Variants in ZNF385D observed in about 807,000 individuals in gnomAD.
ZNF385D encodes zinc finger protein 385D.
In ZNF385D, 15 loss-of-function variants were observed where a neutral mutation model predicts 35.8. The ratio of observed to expected loss-of-function variants is 0.42; its 90% confidence interval spans 0.28 to 0.64. The LOEUF (loss-of-function observed/expected upper bound fraction) is 0.64, where lower values mean the gene tolerates loss of function less well. Ranked by LOEUF, ZNF385D falls within the 30% of genes least tolerant of loss-of-function variation. The pLI is 0.23. For missense variants in ZNF385D, 474 were observed against 494.6 expected (o/e 0.96, Z 0.39); for synonymous variants, 212 against 186.8 (o/e 1.13, Z -1.10).
At chr3:21,565,797 AAG>A (rs1424941701) in intron 2 of ZNF385D, among the ~76,000 whole-genome samples, 18 of 151,796 alleles carry the variant, frequency 1.2e-4, no homozygotes, top group African/African-American at 4.3e-4. Context: ...AAGGACTTAT[AAG>A]TAAGTCTTCA....
chr3:21,569,915 G>A (rs1457993286), intron 2 of ZNF385D, among the ~76,000 whole-genome samples: 1 of 139,650 alleles, frequency 7.2e-6, no homozygotes, highest in South Asian at 2.6e-4. Flanking sequence ...TTGTGGGGTG[G>A]GGGGGCAGGG....
chr3:21,942,115 G>A (rs536986), intron 3 of ZNF385D, among the ~76,000 whole-genome samples: 39,620 of 151,940 alleles, frequency 0.26, 5,866 homozygotes, highest in Admixed American at 0.41. Context: ...TTAACTTTAT[G>A]TGTATTATGT....
chr3:21,840,444 C>T (rs1052118229), intron 3 of ZNF385D, among the ~76,000 whole-genome samples: 2 of 152,038 alleles, frequency 1.3e-5, no homozygotes, highest in South Asian at 2.1e-4. Context: ...ATCTTCATAT[C>T]GACATTGCAC....
intron 3 of ZNF385D, among the ~76,000 whole-genome samples, chr3:22,127,317 CTTTTTTTTTTTTTTTTTTTTTTTTTTTTT>C (rs71044975): frequency 3.6e-5 from 2 of 56,308 alleles, no homozygotes; most frequent in African/African-American, 1.6e-4. Context: ...TCATTTCCTG[CTTTTTTTTTTTTTTTTTTTTTTTTTTTTT>C]TTTTTTTTTT....
chr3:22,273,439 G>A (rs1006951143), intron 2 of ZNF385D, among the ~76,000 whole-genome samples: 1 of 151,952 alleles, frequency 6.6e-6, no homozygotes, highest in Non-Finnish European at 1.5e-5. Context: ...AATGTCTGAA[G>A]ATATTTCTGG....
At chr3:21,424,317 A>ATATATT (rs1221923155) in intron 6 of ZNF385D, among the ~76,000 whole-genome samples, 5 of 63,794 alleles carry the variant, frequency 7.8e-5, no homozygotes, top group East Asian at 6.3e-4. Flanking sequence ...ATATATATAT[A>ATATATT]TTTTTTTTTT....
intron 3 of ZNF385D, among the ~76,000 whole-genome samples, chr3:21,876,193 G>A (rs758736655): frequency 6.6e-6 from 1 of 151,740 alleles, no homozygotes; most frequent in Non-Finnish European, 1.5e-5. Flanking sequence ...AAAAACCTGA[G>A]GGATAGAAAA....
At chr3:21,880,766 T>G (rs912650860) in intron 3 of ZNF385D, among the ~76,000 whole-genome samples, 26 of 151,876 alleles carry the variant, frequency 1.7e-4, no homozygotes, top group African/African-American at 6.3e-4. Context: ...GCCAAACAGT[T>G]AGCAATGTTG....
chr3:21,993,147 G>C (rs1695244281), intron 3 of ZNF385D, among the ~76,000 whole-genome samples: 2 of 152,150 alleles, frequency 1.3e-5, no homozygotes, highest in Non-Finnish European at 2.9e-5. Flanking sequence ...TTAGGGAAAA[G>C]ATATCAGCTA....
chr3:21,472,486 C>T (rs187126270), intron 4 of ZNF385D, among the ~76,000 whole-genome samples: 1,650 of 152,228 alleles, frequency 0.011, 26 homozygotes, highest in Non-Finnish European at 0.013. Context: ...TATCCCTGAG[C>T]CCATTGTCCA....
chr3:21,630,693 G>T (rs897481589), intron 2 of ZNF385D, among the ~76,000 whole-genome samples: 2 of 152,046 alleles, frequency 1.3e-5, no homozygotes, highest in African/African-American at 4.8e-5. Context: ...ATGTTATGAT[G>T]ACTTACTAAT....
At chr3:21,604,486 G>A (rs2064416663) in intron 2 of ZNF385D, among the ~76,000 whole-genome samples, 1 of 152,188 alleles carries the variant, frequency 6.6e-6, no homozygotes, top group Admixed American at 6.5e-5. Flanking sequence ...GGAATACTTA[G>A]TTTTGGAAAT....
intron 3 of ZNF385D, among the ~76,000 whole-genome samples, chr3:21,556,892 C>T (rs2062759836): frequency 6.6e-6 from 1 of 152,146 alleles, no homozygotes; most frequent in African/African-American, 2.4e-5. Context: ...CTTCACATCC[C>T]ATGTAAGTTG....
At chr3:22,203,172 C>G (rs555681493) in intron 2 of ZNF385D, among the ~76,000 whole-genome samples, 1 of 152,164 alleles carries the variant, frequency 6.6e-6, no homozygotes, top group South Asian at 2.1e-4. Flanking sequence ...ACAAAGAGGA[C>G]TTTCTCTTGC....
At chr3:21,957,103 C>T (rs1702332792) in intron 3 of ZNF385D, 1 of 161,276 alleles carries the variant, frequency 6.2e-6, no homozygotes, top group Non-Finnish European at 1.3e-5. Flanking sequence ...TTTGCTTTTG[C>T]TTCTTCCTCA....
At chr3:21,818,160 A>G (rs917298429) in intron 3 of ZNF385D, among the ~76,000 whole-genome samples, 1 of 150,632 alleles carries the variant, frequency 6.6e-6, no homozygotes, top group Non-Finnish European at 1.5e-5. Flanking sequence ...GGGGAACACC[A>G]CACACGGGGG....
intron 1 of ZNF385D, among the ~76,000 whole-genome samples, chr3:21,690,213 A>G (rs1469141808): frequency 6.6e-6 from 1 of 152,168 alleles, no homozygotes; most frequent in Non-Finnish European, 1.5e-5. Context: ...GTGTGCATAT[A>G]TACATATATA....
chr3:22,159,688 C>T (rs954999353), intron 3 of ZNF385D, among the ~76,000 whole-genome samples: 1 of 152,062 alleles, frequency 6.6e-6, no homozygotes, highest in Non-Finnish European at 1.5e-5. Flanking sequence ...CAAATTTGAA[C>T]ACAGTGAAAT....
At chr3:22,060,240 T>G (rs951401493) in intron 3 of ZNF385D, among the ~76,000 whole-genome samples, 1 of 152,202 alleles carries the variant, frequency 6.6e-6, no homozygotes, top group Non-Finnish European at 1.5e-5. Flanking sequence ...TTCATAATTA[T>G]GTGAGCCAAT....
Sources: allele counts gnomAD v4.1 joint callset (sites outside exome capture counted in the v4.1 genomes callset), GRCh38; gene constraint gnomAD v4.1.1; transcripts MANE v1.5; gene names NCBI Gene and HGNC (gene_info 2026-07-23, HGNC 2026-07-21).